SUGCT: variants seen among roughly 807,000 people sequenced by gnomAD.
The protein encoded by SUGCT is succinyl-CoA:glutarate CoA-transferase.
Under a neutral mutation model 55.0 loss-of-function variants are expected in SUGCT, and 41 were observed. The ratio of observed to expected loss-of-function variants is 0.74; its 90% CI spans 0.58 to 0.97. The LOEUF (loss-of-function observed/expected upper bound fraction) is 0.97, where lower values mean the gene tolerates loss of function less well. Among genes scored for constraint, SUGCT ranks in the 50% least tolerant of loss-of-function variants. SUGCT has a pLI of 0.00. For synonymous variants in SUGCT, 187 were observed against 200.4 expected, an observed-to-expected ratio of 0.93 and a Z score of 0.56; for missense variants, 568 against 547.8, an observed-to-expected ratio of 1.04 and a Z score of -0.37.
chr7:40,512,252 C>T (rs913816666), intron 12 of SUGCT, among the ~76,000 whole-genome samples: 1 of 152,084 alleles, frequency 6.6e-6, no homozygotes, highest in African/African-American at 2.4e-5. Context: ...TGTTCTAAGA[C>T]CTTCTATATC....
intron 9 of SUGCT, among the ~76,000 whole-genome samples, chr7:40,321,371 C>T (rs1383529498): frequency 6.6e-6 from 1 of 151,302 alleles, no homozygotes; most frequent in African/African-American, 2.4e-5. Flanking sequence ...GCCACCGTGC[C>T]CAGCCATTTT....
At chr7:41,003,133 G>C in the SUGCT span, among the ~76,000 whole-genome samples, 2 of 152,162 alleles carry the variant, frequency 1.3e-5, no homozygotes, top group African/African-American at 4.8e-5. Context: ...ATGTCGGTGC[G>C]TTTCTTTTCT....
chr7:40,532,673 G>T lies in SUGCT; in HGVS notation c.1089+36287G>T, dbSNP rs934185060. Reference sequence around the variant, plus strand: ...AAGCAAAAATTTTTAGACATTTTAGGTTAACATTAGGCAAAGAAGGTTTTT... The same window carrying T: ...AAGCAAAAATTTTTAGACATTTTAGTTTAACATTAGGCAAAGAAGGTTTTT... On this transcript the variant is annotated intron_variant, in intron 12 of 13. Coordinates refer to ENST00000335693, the MANE Select transcript of SUGCT (RefSeq NM_001193313.2). Among the ~76,000 whole-genome samples, 4 of 151,678 alleles carry T rather than the reference G, an allele frequency of 2.6e-5. No individual in the cohort carries two copies. In the East Asian group the frequency reaches 5.8e-4, roughly 22 times the overall value.
At chr7:40,581,997 T>C (rs187232051) in intron 12 of SUGCT, among the ~76,000 whole-genome samples, 1 of 152,092 alleles carries the variant, frequency 6.6e-6, no homozygotes, top group Non-Finnish European at 1.5e-5. Flanking sequence ...AGGAAGGAAA[T>C]ATATAATCTT....
At chr7:40,755,655 A>G (rs140942883) in intron 13 of SUGCT, among the ~76,000 whole-genome samples, 100 of 152,294 alleles carry the variant, frequency 6.6e-4, no homozygotes, top group African/African-American at 2.2e-3. Context: ...ACTTCAAAGG[A>G]TGTCATTGGA....
At chr7:40,254,860 A>T (rs192235407) in intron 7 of SUGCT, among the ~76,000 whole-genome samples, 2 of 152,020 alleles carry the variant, frequency 1.3e-5, no homozygotes, top group East Asian at 3.9e-4. Flanking sequence ...CATGGTAATG[A>T]TCCTTTAGTT....
At chr7:40,522,119 T>C (rs1190038546) in intron 12 of SUGCT, among the ~76,000 whole-genome samples, 1 of 152,106 alleles carries the variant, frequency 6.6e-6, no homozygotes, top group Admixed American at 6.6e-5. Context: ...TTTTCTGCTT[T>C]CTGTTCATGG....
At chr7:40,663,431 C>G (rs963124456) in intron 12 of SUGCT, among the ~76,000 whole-genome samples, 4 of 151,728 alleles carry the variant, frequency 2.6e-5, no homozygotes, top group African/African-American at 4.8e-5. Flanking sequence ...CTGTCCCTGT[C>G]TCTGTCTCTT....
At chr7:40,211,996 A>T (rs193118561) in intron 6 of SUGCT, among the ~76,000 whole-genome samples, 197 of 152,052 alleles carry the variant, frequency 1.3e-3, no homozygotes, top group African/African-American at 4.5e-3. Context: ...TTTTCTCTAC[A>T]TCCTTGGTGT....
Position 40,813,098 on chromosome 7 carries a change from A to T in SUGCT, c.1154-47218A>T, listed in dbSNP as rs1029560611. On this transcript the variant is annotated intron_variant, in intron 13 of 13. Coordinates refer to ENST00000335693, the MANE Select transcript of SUGCT (RefSeq NM_001193313.2). ...GTGGTTGGTTTGATTTTGATTTTTT[A>T]AAAAAATTATTGAGACTTGCTTTAT... Among the ~76,000 whole-genome samples, 5 of 152,016 alleles carry T rather than the reference A, an allele frequency of 3.3e-5. No homozygotes were observed. The South Asian group carries it at 6.2e-4, about 19-fold the overall frequency.
chr7:40,715,580 C>T (rs780938116), intron 12 of SUGCT, among the ~76,000 whole-genome samples: 34 of 152,130 alleles, frequency 2.2e-4, no homozygotes, highest in Non-Finnish European at 2.8e-4. Flanking sequence ...TGGATGGGCA[C>T]GAGCATCTAC....
intron 12 of SUGCT, among the ~76,000 whole-genome samples, chr7:40,712,057 G>A (rs1022737299): frequency 3.9e-5 from 6 of 152,222 alleles, no homozygotes; most frequent in East Asian, 3.9e-4. Context: ...CTTAGAAGGC[G>A]GCCCAGCCAT....
At chr7:40,685,258 G>A (rs1227735354) in intron 12 of SUGCT, among the ~76,000 whole-genome samples, 1 of 152,096 alleles carries the variant, frequency 6.6e-6, no homozygotes, top group African/African-American at 2.4e-5. Flanking sequence ...CTCTGCTGGA[G>A]TTGTAAAACT....
chr7:40,850,584 A>G (rs1388932340), intron 13 of SUGCT, among the ~76,000 whole-genome samples: 1 of 151,862 alleles, frequency 6.6e-6, no homozygotes, highest in African/African-American at 2.4e-5. Context: ...TAATCATCCA[A>G]CCTCCCGTGC....
At chr7:40,684,604 C>T (rs1188817680) in intron 12 of SUGCT, among the ~76,000 whole-genome samples, 3 of 152,122 alleles carry the variant, frequency 2.0e-5, no homozygotes, top group Non-Finnish European at 4.4e-5. Context: ...ACAGTTAATA[C>T]CATTTCCTAA....
At chr7:40,616,944 T>G (rs1469337881) in intron 12 of SUGCT, among the ~76,000 whole-genome samples, 1 of 152,192 alleles carries the variant, frequency 6.6e-6, no homozygotes, top group Non-Finnish European at 1.5e-5. Flanking sequence ...TCCAATAAAT[T>G]TTTCCATTTC....
intron 9 of SUGCT, among the ~76,000 whole-genome samples, chr7:40,327,251 A>G (rs974310700): frequency 1.6e-5 from 2 of 127,060 alleles, no homozygotes; most frequent in East Asian, 2.4e-4. Flanking sequence ...AAGCAAGACA[A>G]AATCTTTTGT....
intron 8 of SUGCT, among the ~76,000 whole-genome samples, chr7:40,311,055 A>ATTAC (rs1289986829): frequency 6.6e-6 from 1 of 152,118 alleles, no homozygotes; most frequent in Non-Finnish European, 1.5e-5. Context: ...TTTCGCTTCA[A>ATTAC]TTACTTCTCT....
intron 13 of SUGCT, among the ~76,000 whole-genome samples, chr7:40,792,678 G>A (rs905129410): frequency 1.3e-5 from 2 of 152,088 alleles, no homozygotes; most frequent in Admixed American, 6.6e-5. Flanking sequence ...ATGGGAACAC[G>A]AATAGCAGTG....
Sources: allele counts gnomAD v4.1 joint callset (sites outside exome capture counted in the v4.1 genomes callset), GRCh38; gene constraint gnomAD v4.1.1; transcripts MANE v1.5; gene names NCBI Gene and HGNC (gene_info 2026-07-23, HGNC 2026-07-21).